MTMR3: variants seen among roughly 807,000 people sequenced by gnomAD.
MTMR3 encodes myotubularin related protein 3, also known as phosphatidylinositol-3,5-bisphosphate 3-phosphatase MTMR3.
In MTMR3, 32 loss-of-function variants were observed where a neutral mutation model predicts 132.4. The ratio of observed to expected loss-of-function variants is 0.24; its 90% CI spans 0.18 to 0.32. The LOEUF (loss-of-function observed/expected upper bound fraction) is 0.32, where lower values mean the gene tolerates loss of function less well. Ranked by LOEUF, MTMR3 falls within the 10% of genes least tolerant of loss-of-function variation. The probability of loss-of-function intolerance (pLI) is 1.00; values close to 1 mark genes in which losing one functional copy is unlikely to be tolerated. For synonymous variants in MTMR3, 556 were observed against 550.3 expected (o/e 1.01, Z -0.14); for missense variants, 1,216 against 1,489.6 (o/e 0.82, Z 3.02).
intron 1 of MTMR3, among the ~76,000 whole-genome samples, chr22:29,884,310 A>C (rs1189772709): frequency 1.3e-5 from 2 of 152,242 alleles, no homozygotes; most frequent in African/African-American, 4.8e-5. Context: ...TTTCTAGTTA[A>C]GGTTCAACTT....
intron 1 of MTMR3, among the ~76,000 whole-genome samples, chr22:29,906,354 C>T (rs575940333): frequency 7.9e-5 from 12 of 151,510 alleles, no homozygotes; most frequent in African/African-American, 2.4e-4. Context: ...CTATCTATGA[C>T]GGAGTCTTGC....
chr22:29,916,502 C>T (rs921414057), intron 1 of MTMR3, among the ~76,000 whole-genome samples: 1 of 152,144 alleles, frequency 6.6e-6, no homozygotes, highest in Non-Finnish European at 1.5e-5. Flanking sequence ...CCTCAAAATA[C>T]AAAGCTTTGA....
At chr22:29,906,322 A>G (rs144569506) in intron 1 of MTMR3, among the ~76,000 whole-genome samples, 19 of 137,696 alleles carry the variant, frequency 1.4e-4, no homozygotes, top group Middle Eastern at 3.6e-3. Context: ...CTATCTATCT[A>G]TCTATCTATC....
intron 1 of MTMR3, among the ~76,000 whole-genome samples, chr22:29,939,813 T>A (rs2065820383): frequency 6.6e-6 from 1 of 152,170 alleles, no homozygotes; most frequent in African/African-American, 2.4e-5. Context: ...TAAGCCATCA[T>A]ATCTCCTGTG....
intron 9 of MTMR3, chr22:30,004,038 T>G (rs2145930158): frequency 6.6e-6 from 1 of 152,298 alleles, no homozygotes; most frequent in Middle Eastern, 3.4e-3. Context: ...AGCTTGTTCA[T>G]TTAGTCTACT....
chr22:29,894,847 A>G (rs1389102386), intron 1 of MTMR3, among the ~76,000 whole-genome samples: 1 of 152,212 alleles, frequency 6.6e-6, no homozygotes, highest in Non-Finnish European at 1.5e-5. Flanking sequence ...GTGAATGGAT[A>G]ACATAATTCA....
At chr22:29,891,809 A>G (rs111583268) in intron 1 of MTMR3, among the ~76,000 whole-genome samples, 42 of 152,130 alleles carry the variant, frequency 2.8e-4, no homozygotes, top group African/African-American at 9.6e-4. Flanking sequence ...GTTTTTGGGC[A>G]TTTCACTAGT....
At chr22:29,909,236 A>AT (rs1217385500) in intron 1 of MTMR3, among the ~76,000 whole-genome samples, 1 of 151,704 alleles carries the variant, frequency 6.6e-6, no homozygotes, top group African/African-American at 2.4e-5. Context: ...TTTTTTTGAG[A>AT]TTTTTGTATA....
chr22:30,021,326 T>A (rs1157896129), intron 17 of MTMR3: 3 of 174,674 alleles, frequency 1.7e-5, no homozygotes, highest in Admixed American at 5.4e-5. Flanking sequence ...CAGTTCTTTT[T>A]AAACAAATAT....
At chr22:29,930,736 T>TA (rs2065625294) in intron 1 of MTMR3, among the ~76,000 whole-genome samples, 4 of 151,734 alleles carry the variant, frequency 2.6e-5, no homozygotes, top group African/African-American at 9.7e-5. Flanking sequence ...TACAGTGGCT[T>TA]ACGCTTGTAA....
In MTMR3 at chr22:30,007,895, C is replaced by G; in HGVS notation, c.878-6C>G. 6.2e-7 allele frequency: 1 copy of G among 1,613,536 alleles called. No individual in the cohort carries two copies. The highest frequency in any genetic ancestry group is 8.5e-7 in the Non-Finnish European group (1 of 1,179,908). ...TTTAGTATGCCCTCTCCCTCTGTGT[C>G]CCTAGATTCTTCTCTGTCAAATGCT... On this transcript the variant is annotated splice_polypyrimidine_tract_variant and splice_region_variant and intron_variant, in intron 10 of 19. Transcript: ENST00000401950.
At chr22:30,015,273 T>A (rs931565254) in intron 14 of MTMR3, 1 of 151,594 alleles carries the variant, frequency 6.6e-6, no homozygotes, top group Non-Finnish European at 1.5e-5. Context: ...CCCAGGCAGG[T>A]CTCAAACACC....
chr22:29,908,092 G>A (rs1568999229), intron 1 of MTMR3, among the ~76,000 whole-genome samples: 2 of 152,144 alleles, frequency 1.3e-5, no homozygotes, highest in African/African-American at 4.8e-5. Context: ...TCCACAGTCG[G>A]ATGCAAGTAA....
At chr22:30,011,586 C>T (rs1601417233) in intron 12 of MTMR3, 1 of 152,262 alleles carries the variant, frequency 6.6e-6, no homozygotes, top group Non-Finnish European at 1.5e-5. Context: ...TGGTCTGGAA[C>T]TCCTGACCTC....
intron 5 of MTMR3, chr22:29,980,215 A>T (rs2066713353): frequency 6.7e-6 from 1 of 148,838 alleles, no homozygotes; most frequent in South Asian, 2.1e-4. Flanking sequence ...AGTGGCTGTC[A>T]TTTTTTTTTT....
intron 1 of MTMR3, among the ~76,000 whole-genome samples, chr22:29,950,043 T>A (rs2066043876): frequency 6.6e-6 from 1 of 152,174 alleles, no homozygotes; most frequent in Non-Finnish European, 1.5e-5. Flanking sequence ...CATGAATGAG[T>A]GTGCAAGAAT....
At chr22:29,914,554 C>T (rs1848449224) in intron 1 of MTMR3, among the ~76,000 whole-genome samples, 1 of 151,954 alleles carries the variant, frequency 6.6e-6, no homozygotes. Flanking sequence ...CTTGCCTTTT[C>T]ATTCTTAACA....
intron 9 of MTMR3, 24 bp downstream of exon 9, chr22:30,003,017 A>G: frequency 1.3e-6 from 2 of 1,585,522 alleles, no homozygotes; most frequent in Middle Eastern, 3.3e-4. Context: ...GACCAGTCCC[A>G]GCTTGGGCTG....
At chr22:29,932,706 C>A (rs927605189) in intron 1 of MTMR3, among the ~76,000 whole-genome samples, 4 of 152,074 alleles carry the variant, frequency 2.6e-5, no homozygotes, top group African/African-American at 9.7e-5. Flanking sequence ...CATGTACCTA[C>A]GACCTAATTT....
Sources: gnomAD v4.1 joint callset for allele counts (sites outside exome capture counted in the v4.1 genomes callset) on GRCh38, gnomAD v4.1.1 for gene constraint, MANE v1.5 for transcripts, NCBI Gene and HGNC (gene_info 2026-07-23, HGNC 2026-07-21) for gene names.